Variants in FGFR2 observed in about 807,000 individuals in gnomAD.
The protein encoded by FGFR2 is fibroblast growth factor receptor 2, also known as BEK fibroblast growth factor receptor.
A neutral mutation model predicts 95.9 loss-of-function variants in FGFR2; 19 were observed. The ratio of observed to expected loss-of-function variants is 0.20; its 90% confidence interval spans 0.14 to 0.29. The LOEUF (loss-of-function observed/expected upper bound fraction) is 0.29, where lower values mean the gene tolerates loss of function less well. Ranked by LOEUF, FGFR2 falls within the 10% of genes least tolerant of loss-of-function variation. The probability of loss-of-function intolerance (pLI) is 1.00; values close to 1 mark genes in which losing one functional copy is unlikely to be tolerated. For synonymous variants in FGFR2, 392 were observed against 393.3 expected (o/e 1.00, Z 0.04); for missense variants, 707 against 1,056.9 (o/e 0.67, Z 4.59).
intron 4 of FGFR2, among the ~76,000 whole-genome samples, chr10:121,554,842 T>C (rs147330683): frequency 3.2e-3 from 490 of 152,198 alleles, no homozygotes; most frequent in Non-Finnish European, 4.9e-3. Context: ...AGGACACACA[T>C]GGAAATGCCA....
intron 1 of FGFR2, among the ~76,000 whole-genome samples, chr10:121,594,914 G>A (rs1863205398): frequency 6.6e-6 from 1 of 152,186 alleles, no homozygotes; most frequent in African/African-American, 2.4e-5. Flanking sequence ...AGTTAGAAGA[G>A]GACACTCAAC....
chr10:121,597,126 G>A (rs1453848390), intron 1 of FGFR2, among the ~76,000 whole-genome samples: 3 of 152,218 alleles, frequency 2.0e-5, no homozygotes, highest in Non-Finnish European at 4.4e-5. Context: ...AGCGGGGTGC[G>A]AGGAGAGCGA....
intron 5 of FGFR2, among the ~76,000 whole-genome samples, chr10:121,544,131 GATC>G (rs1179444610): frequency 6.6e-6 from 1 of 152,234 alleles, no homozygotes; most frequent in African/African-American, 2.4e-5. Context: ...CAACCCAAGT[GATC>G]ATCATCAGAT....
In FGFR2 at chr10:121,531,799, G is replaced by A. The variant is rs1403125595; in HGVS notation, c.748+6793C>T. On this transcript the variant is annotated intron_variant, in intron 6 of 17. Transcript: ENST00000358487. This position sits in a 1 kb window ranked among gnomAD's most constrained non-coding sequence, Gnocchi z 4.5. ...ACCTGAACCTCCAGAGAGGGCATCTGGCACAGAGTAGAGACCCTTAGGGGT... is the reference window on the plus strand; with the variant it reads ...ACCTGAACCTCCAGAGAGGGCATCTAGCACAGAGTAGAGACCCTTAGGGGT... Among the ~76,000 whole-genome samples the A allele has an allele frequency of 6.6e-6, 1 of 152,114 alleles. No individual in the cohort carries two copies. The highest frequency in any genetic ancestry group is 1.5e-5 in the Non-Finnish European group (1 of 68,006).
chr10:121,538,374 C>G (rs1326065462), intron 6 of FGFR2: 1 of 807,738 alleles, frequency 1.2e-6, no homozygotes, highest in Non-Finnish European at 2.3e-6. Context: ...CGCTTGGGAA[C>G]CATGAGGATC....
At chr10:121,524,419 T>C (rs925856304) in intron 6 of FGFR2, among the ~76,000 whole-genome samples, 1 of 152,128 alleles carries the variant, frequency 6.6e-6, no homozygotes, top group Non-Finnish European at 1.5e-5. Flanking sequence ...ATTTAAAATG[T>C]TTTTAAAAAG....
At chr10:121,572,934 G>A (rs1859063999) in intron 2 of FGFR2, among the ~76,000 whole-genome samples, 1 of 152,218 alleles carries the variant, frequency 6.6e-6, no homozygotes, top group Admixed American at 6.5e-5. Flanking sequence ...CCCAGGAGGG[G>A]GAAATCTTGT....
At chr10:121,520,708 T>A (rs1282299104) in intron 6 of FGFR2, among the ~76,000 whole-genome samples, 1 of 152,174 alleles carries the variant, frequency 6.6e-6, no homozygotes, top group Non-Finnish European at 1.5e-5. Flanking sequence ...AGTGGCATGA[T>A]CACGGCTCAC....
At chr10:121,515,428 T>G (rs1208664663) in intron 8 of FGFR2, 109 bp from the exon 9 acceptor site, 1 of 1,138,014 alleles carries the variant, frequency 8.8e-7, no homozygotes, top group Non-Finnish European at 1.3e-6. Context: ...ACGACCATTC[T>G]CAAGGCAAGG....
At chr10:121,490,889 A>G (rs1846046842) in intron 13 of FGFR2, among the ~76,000 whole-genome samples, 2 of 152,226 alleles carry the variant, frequency 1.3e-5, no homozygotes, top group Non-Finnish European at 2.9e-5. Context: ...CAAGAAAGCC[A>G]CGCAAGCTTG....
At position 121,511,853 on chromosome 10, in the gene FGFR2, AT is replaced by A. The variant is rs1002034510; in HGVS notation, c.1287+3263del. ...ATTTCTTCTTTGGTACTGGAAAAAA[AT>A]ATTTTTGCTCAAAAAAATAACATAA... On this transcript the variant is annotated intron_variant, in intron 9 of 17. Coordinates refer to ENST00000358487, the MANE Select transcript of FGFR2 (RefSeq NM_000141.5). Among the ~76,000 whole-genome samples the A allele has an allele frequency of 2.0e-5, 3 of 152,352 alleles. No homozygotes were observed. The East Asian group carries it at 5.8e-4, about 29-fold the overall frequency.
At position 121,559,020 on chromosome 10, in the gene FGFR2, A is replaced by G. The variant is rs147313765; in HGVS notation, c.454+5482T>C. ...GTTAACCAACAAAATTAGATCAATA[A>G]TCTAGCAAATCAGCAGAGGGAATAA... On this transcript the variant is annotated intron_variant, in intron 4 of 17. Transcript: ENST00000358487. Among the ~76,000 whole-genome samples, 75 of 152,040 alleles carry G rather than the reference A, an allele frequency of 4.9e-4. 1 individual carries two copies. Among genetic ancestry groups the G allele is most frequent in the African/African-American group, 1.6e-3 (67 of 41,470 alleles).
At position 121,528,875 on chromosome 10, in the gene FGFR2, C is replaced by T. The variant is rs145015555; in HGVS notation, c.749-8706G>A. ...GCCCCAGTCCCTCCCTATGAACACT[C>T]GGTGAGAGTCTCACATACAGAATGG... On this transcript the variant is annotated intron_variant, in intron 6 of 17. Coordinates refer to ENST00000358487, the MANE Select transcript of FGFR2 (RefSeq NM_000141.5). Among the ~76,000 whole-genome samples the T allele has an allele frequency of 3.8e-3, 586 of 152,296 alleles. 4 individuals are homozygous for T. Among genetic ancestry groups the T allele is most frequent in the African/African-American group, 0.013 (537 of 41,562 alleles).
At chr10:121,498,308 C>T (rs1847141877) in intron 12 of FGFR2, among the ~76,000 whole-genome samples, 187 bp downstream of exon 12, 1 of 152,208 alleles carries the variant, frequency 6.6e-6, no homozygotes, top group Non-Finnish European at 1.5e-5. Context: ...CCACTGGCCC[C>T]CAGGTACGGG....
intron 6 of FGFR2, 127 bp from the exon 7 acceptor site, chr10:121,520,296 C>T (rs1564919793): frequency 1.1e-6 from 1 of 914,600 alleles, no homozygotes; most frequent in South Asian, 1.8e-5. Flanking sequence ...TGGCTGACAC[C>T]TTTGAAATAA....
chr10:121,504,335 C>A (rs1848002966), intron 9 of FGFR2, among the ~76,000 whole-genome samples: 1 of 152,192 alleles, frequency 6.6e-6, no homozygotes, highest in Non-Finnish European at 1.5e-5. Context: ...CCCTCTCAGA[C>A]CACCCGGATC....
chr10:121,510,330 G>A (rs1182020795), intron 9 of FGFR2, among the ~76,000 whole-genome samples: 1 of 152,142 alleles, frequency 6.6e-6, no homozygotes, highest in African/African-American at 2.4e-5. Flanking sequence ...GTCAGATCTT[G>A]GGCAAACTGT....
At position 121,485,650 on chromosome 10, in the gene FGFR2, T is replaced by G; in HGVS notation, c.2058-118A>C. The G allele has an allele frequency of 8.5e-5, 105 of 1,242,526 alleles. No homozygotes were observed. Among genetic ancestry groups the G allele is most frequent in the Non-Finnish European group, 1.1e-4 (93 of 865,822 alleles). The allele number at this position is 1,242,526 out of a possible 1,614,324, so 77.0% of individuals were successfully genotyped here. A position where few individuals can be genotyped will look rare whatever the true frequency, so the allele number is the denominator to read the frequency against. On this transcript the variant is annotated intron_variant, in intron 15 of 17. Coordinates refer to ENST00000358487, the MANE Select transcript of FGFR2 (RefSeq NM_000141.5). The surrounding 1 kb of genome is among the most constrained non-coding windows in gnomAD (Gnocchi z 4.2). ...CTGAAGTTCAAAGACAAATGGGCCC[T>G]CCTGCAGTTCCTCCTATGTGCTCTT...
intron 6 of FGFR2, among the ~76,000 whole-genome samples, chr10:121,533,470 C>T (rs1291798817): frequency 6.6e-6 from 1 of 152,146 alleles, no homozygotes; most frequent in Non-Finnish European, 1.5e-5. Context: ...CTGTACTTTG[C>T]CCCCAAAATA....
Sources: gnomAD v4.1 joint callset for allele counts (sites outside exome capture counted in the v4.1 genomes callset) on GRCh38, gnomAD v4.1.1 for gene constraint, Gnocchi (gnomAD v3.1) non-coding constraint, MANE v1.5 for transcripts, NCBI Gene and HGNC (gene_info 2026-07-23, HGNC 2026-07-21) for gene names.